Variants in ALS2CL observed in about 807,000 individuals in gnomAD.
ALS2CL encodes ALS2 C-terminal like, also known as ALS2 C-terminal-like protein.
Under a neutral mutation model 127.9 loss-of-function variants are expected in ALS2CL, and 112 were observed. The observed-to-expected ratio is 0.88, with a 90% CI of 0.75 to 1.02. The LOEUF is 1.02. ALS2CL is among the 50% of genes least tolerant of loss of function. The pLI is 0.00. For missense variants in ALS2CL, 1,174 were observed against 1,236.7 expected, an observed-to-expected ratio of 0.95 and a Z score of 0.76; for synonymous variants, 519 against 527.6, an observed-to-expected ratio of 0.98 and a Z score of 0.22.
At chr3:46,680,591 A>G in intron 13 of ALS2CL, 50 bp from the exon 14 acceptor site, 1 of 1,542,974 alleles carries the variant, frequency 6.5e-7, no homozygotes, top group South Asian at 1.1e-5. Flanking sequence ...ATTCCCATGT[A>G]CCTCCTGGGC....
At position 46,686,135 on chromosome 3, in the gene ALS2CL, A is replaced by C. The variant is rs1559480395; in HGVS notation, c.666+173T>G. Reference sequence around the variant, plus strand: ...CTGGCCCAGGACGTGCTCAGCAGACAGATAAGAATGGCTGGACAGAGGGAC... The same window carrying C: ...CTGGCCCAGGACGTGCTCAGCAGACCGATAAGAATGGCTGGACAGAGGGAC... On this transcript the variant is annotated intron_variant, in intron 6 of 25. Transcript: ENST00000318962. The surrounding 1 kb of genome is among the most constrained non-coding windows in gnomAD (Gnocchi z 4.3). 1.3e-5 allele frequency among the ~76,000 whole-genome samples: 2 copies of C among 152,150 alleles called. No individual in the cohort carries two copies. Among genetic ancestry groups the C allele is most frequent in the Non-Finnish European group, 1.5e-5 (1 of 68,020 alleles).
chr3:46,675,239 A>C, intron 20 of ALS2CL: 1 of 226,118 alleles, frequency 4.4e-6, no homozygotes, highest in Admixed American at 5.2e-5. Flanking sequence ...GACTGGGGGA[A>C]ACAAATTTCA....
At chr3:46,690,165 GGCCGTGGACA>G (rs1434883466) in intron 1 of ALS2CL, among the ~76,000 whole-genome samples, 4 of 152,220 alleles carry the variant, frequency 2.6e-5, no homozygotes, top group African/African-American at 9.6e-5. Flanking sequence ...TGCCTCAGTC[GGCCGTGGACA>G]GCCATGGAGG....
At chr3:46,680,690 A>C in intron 13 of ALS2CL, 149 bp from the exon 14 acceptor site, 1 of 660,828 alleles carries the variant, frequency 1.5e-6, no homozygotes, top group Non-Finnish European at 2.6e-6. Flanking sequence ...CAGAGAGGTC[A>C]GGACCCCCAA....
chr3:46,677,643 C>G (rs1698970582), intron 16 of ALS2CL, among the ~76,000 whole-genome samples: 1 of 152,238 alleles, frequency 6.6e-6, no homozygotes, highest in African/African-American at 2.4e-5. Context: ...GAAATGCTGC[C>G]TGGGACCACT....
chr3:46,671,594 A>C lies in ALS2CL; in HGVS notation c.2685-10T>G, dbSNP rs780137778. 10 of 1,613,240 alleles carry C rather than the reference A, an allele frequency of 6.2e-6. No individual in the cohort carries two copies. The highest frequency in any genetic ancestry group is 3.3e-5 in the Admixed American group (2 of 59,918). On this transcript the variant is annotated splice_polypyrimidine_tract_variant and intron_variant, in intron 24 of 25. Coordinates refer to ENST00000318962, the MANE Select transcript of ALS2CL (RefSeq NM_147129.5). ...TCCCAGGTGCTGAATTCTGGAGAAC[A>C]CCGCCCCACCAAGAGAGCGAGGGAG...
At chr3:46,687,851 A>G (rs1699901791) in intron 3 of ALS2CL, among the ~76,000 whole-genome samples, 167 bp from the exon 4 acceptor site, 1 of 152,130 alleles carries the variant, frequency 6.6e-6, no homozygotes, top group African/African-American at 2.4e-5. Flanking sequence ...GGCCAACAAG[A>G]CAATTCTAAC....
chr3:46,689,416 G>A lies in ALS2CL; in HGVS notation c.25C>T (p.Leu9=). Reference sequence around the variant, plus strand: ...GAGAAGACCTCCTCCAGCCGCAGCAGAGCTGCCTCCTCAGGGTTGCACATG... The same window carrying A: ...GAGAAGACCTCCTCCAGCCGCAGCAAAGCTGCCTCCTCAGGGTTGCACATG... MCNPEEAA[L]LRLEEVFSAT... Residue 9 remains leucine (L), a synonymous_variant, in exon 2 of 26, where the codon CTG becomes TTG. Transcript: ENST00000318962. 6.2e-7 allele frequency: 1 copy of A among 1,611,688 alleles called. No individual in the cohort carries two copies. The highest frequency in any genetic ancestry group is 1.1e-5 in the South Asian group (1 of 90,606).
rs1476389543 is a variant in ALS2CL at position 46,670,366 on chromosome 3, G to A, written c.*618C>T. The A allele has an allele frequency of 6.5e-6, 1 of 153,554 alleles. No individual in the cohort carries two copies. The highest frequency in any genetic ancestry group is 1.5e-5 in the Non-Finnish European group (1 of 68,908). 9.5% of individuals were successfully genotyped at this position (153,554 alleles called of 1,614,324 possible). ...CCCACGCAGGCCCACAGACATCACA[G>A]GAGAATGATTTACAAGCCACTTGGG... On this transcript the variant is annotated 3_prime_UTR_variant, in exon 26 of 26. Coordinates refer to ENST00000318962, the MANE Select transcript of ALS2CL (RefSeq NM_147129.5). The surrounding 1 kb of genome is among the most constrained non-coding windows in gnomAD (Gnocchi z 5.5).
chr3:46,687,776 G>A, intron 3 of ALS2CL, 92 bp from the exon 4 acceptor site: 1 of 1,354,236 alleles, frequency 7.4e-7, no homozygotes, highest in Non-Finnish European at 1.0e-6. Flanking sequence ...CCACCCACTA[G>A]TCAGCTGCAG....
In ALS2CL at chr3:46,689,841, C is replaced by G. The variant is rs529358950; in HGVS notation, c.-25-376G>C. 1.9e-4 allele frequency among the ~76,000 whole-genome samples: 29 copies of G among 152,338 alleles called. No individual in the cohort carries two copies. In the South Asian group the frequency reaches 6.0e-3, roughly 32 times the overall value. ...GCCCTGGTCTTAGCCTCCTTTCCAT[C>G]AAGTCTCCCTTCAGGGATTCTGCAG... On this transcript the variant is annotated intron_variant, in intron 1 of 25. Transcript: ENST00000318962.
chr3:46,673,526 G>A (rs1210615531), intron 21 of ALS2CL, 145 bp from the exon 22 acceptor site: 5 of 855,904 alleles, frequency 5.8e-6, no homozygotes, highest in South Asian at 3.5e-5. Context: ...TCATGGGGAG[G>A]ATGGAAGGAT....
Position 46,671,058 on chromosome 3 carries a change from A to G in ALS2CL, c.2788T>C (p.Tyr930His), listed in dbSNP as rs151283213. The change falls in exon 26 of 26, where the codon TAC becomes CAC. Residue 930 changes from tyrosine to histidine, a missense_variant. Transcript: ENST00000318962. ...DFLLTALESC[Y>H]EHIQKEDMRL... ...ATGTCTTCTTTCTGGATGTGCTCGT[A>G]ACAGGACTGGAGGGAGAGAGGCAAG... 385 of 1,613,992 alleles carry G rather than the reference A, an allele frequency of 2.4e-4. No individual in the cohort carries two copies. Among genetic ancestry groups the G allele is most frequent in the Non-Finnish European group, 3.0e-4 (357 of 1,179,984 alleles).
At chr3:46,691,966 A>G (rs923212323) in intron 1 of ALS2CL, among the ~76,000 whole-genome samples, 1 of 151,996 alleles carries the variant, frequency 6.6e-6, no homozygotes, top group Non-Finnish European at 1.5e-5. Flanking sequence ...TCCCCACCCC[A>G]CAAAGCAGCC....
intron 22 of ALS2CL, among the ~76,000 whole-genome samples, chr3:46,673,030 A>C (rs1223246464): frequency 6.6e-6 from 1 of 152,156 alleles, no homozygotes; most frequent in East Asian, 1.9e-4. Context: ...TAAATAAATA[A>C]AATAAGAATT....
At position 46,670,706 on chromosome 3, in the gene ALS2CL, C is replaced by G. The variant is rs111751718; in HGVS notation, c.*278G>C. The G allele has an allele frequency of 9.3e-6, 4 of 428,480 alleles. No homozygotes were observed. Among genetic ancestry groups the G allele is most frequent in the Non-Finnish European group, 1.7e-5 (4 of 229,476 alleles). The allele number at this position is 428,480 out of a possible 1,614,324, so 26.5% of individuals were successfully genotyped here. ...GGAGAAAGGCTCAGGCTAAGAGAAGCCAGGGACTCCTCACCCCCAGCCTGT... is the reference window on the plus strand; with the variant it reads ...GGAGAAAGGCTCAGGCTAAGAGAAGGCAGGGACTCCTCACCCCCAGCCTGT... On this transcript the variant is annotated 3_prime_UTR_variant, in exon 26 of 26. Coordinates refer to ENST00000318962, the MANE Select transcript of ALS2CL (RefSeq NM_147129.5). This position sits in a 1 kb window ranked among gnomAD's most constrained non-coding sequence, Gnocchi z 5.5.
chr3:46,673,230 C>A, intron 22 of ALS2CL, 109 bp downstream of exon 22: 2 of 950,368 alleles, frequency 2.1e-6, no homozygotes, highest in Non-Finnish European at 3.0e-6. Context: ...CACCCTGCCC[C>A]TCCCCAGCTC....
chr3:46,679,202 G>A lies in ALS2CL; in HGVS notation c.1626+8C>T, dbSNP rs757131529. ...CAGGGTGTGGAGGGGGGCCTCAGTG[G>A]TCCTCACCTTCCCCATGAGGGTCAG... On this transcript the variant is annotated splice_region_variant and intron_variant, in intron 15 of 25. Coordinates refer to ENST00000318962, the MANE Select transcript of ALS2CL (RefSeq NM_147129.5). The A allele has an allele frequency of 1.3e-6, 2 of 1,556,820 alleles. No individual in the cohort carries two copies. The highest frequency in any genetic ancestry group is 1.2e-5 in the South Asian group (1 of 84,184).
intron 14 of ALS2CL, 185 bp downstream of exon 14, chr3:46,680,245 G>A: frequency 1.6e-6 from 1 of 608,712 alleles, no homozygotes. Flanking sequence ...GGCAGAGCAG[G>A]GATTGGCCAG....
Sources: gnomAD v4.1 joint callset for allele counts (sites outside exome capture counted in the v4.1 genomes callset) on GRCh38, gnomAD v4.1.1 for gene constraint, Gnocchi (gnomAD v3.1) non-coding constraint, MANE v1.5 for transcripts, NCBI Gene and HGNC (gene_info 2026-07-23, HGNC 2026-07-21) for gene names.